Variants in IKBKB observed in about 807,000 individuals in gnomAD.
IKBKB encodes the protein inhibitor of nuclear factor kappa-B kinase subunit beta.
Under a neutral mutation model 113.6 loss-of-function variants are expected in IKBKB, and 42 were observed. The observed-to-expected ratio is 0.37, with a 90% confidence interval of 0.29 to 0.48. IKBKB has a LOEUF of 0.48. IKBKB is among the 20% of genes least tolerant of loss of function. IKBKB has a pLI of 0.99. For synonymous variants in IKBKB, 296 were observed against 361.3 expected, an observed-to-expected ratio of 0.82 and a Z score of 2.05; for missense variants, 673 against 939.7, an observed-to-expected ratio of 0.72 and a Z score of 3.71.
chr8:42,305,630 G>A (rs917751815), intron 6 of IKBKB, among the ~76,000 whole-genome samples: 7 of 152,224 alleles, frequency 4.6e-5, no homozygotes, highest in African/African-American at 1.4e-4. Flanking sequence ...ATGGAAACCA[G>A]TGGTCAGTTG....
At chr8:42,305,047 C>G (rs1816224713) in intron 5 of IKBKB, 140 bp from the exon 6 acceptor site, 1 of 636,606 alleles carries the variant, frequency 1.6e-6, no homozygotes, top group African/African-American at 1.8e-5. Flanking sequence ...AGCAGGGCCC[C>G]TGCCCTCCAC....
intron 5 of IKBKB, among the ~76,000 whole-genome samples, chr8:42,301,672 G>C (rs1367040299): frequency 6.6e-6 from 1 of 152,206 alleles, no homozygotes; most frequent in African/African-American, 2.4e-5. Flanking sequence ...AGTTTGTTTT[G>C]TACAGTTGTT....
rs1248668668 is a variant in IKBKB, at chr8:42,319,321, G to C, written c.1416G>C (p.Met472Ile). Residue 472 changes from methionine (M) to isoleucine (I), a missense_variant, in exon 14 of 22, where the codon ATG becomes ATC. Physicochemically the swap from Met to Ile is conservative, Grantham distance 10 (BLOSUM62 1). Transcript: ENST00000520810. ...NSCLSKMKNSMASMSQQLKAK... is the reference protein window; with the variant it reads ...NSCLSKMKNSIASMSQQLKAK... ...GCCTCTCCAAAATGAAGAATTCCAT[G>C]GCTTCCATGTCTCAGCAGCTCAAGG... 9 of 1,613,940 alleles carry C rather than the reference G, an allele frequency of 5.6e-6. No homozygotes were observed. Among genetic ancestry groups the C allele is most frequent in the African/African-American group, 1.3e-5 (1 of 74,888 alleles).
chr8:42,316,358 T>G lies in IKBKB; in HGVS notation c.930+19T>G, dbSNP rs758180114. The G allele has an allele frequency of 1.1e-5, 17 of 1,614,006 alleles. No homozygotes were observed. Among genetic ancestry groups the G allele is most frequent in the Non-Finnish European group, 1.4e-5 (17 of 1,179,914 alleles). ...CTTAAAGGTGAGTGTGGAGCCAAGT[T>G]AGCCCTGAGGCAAAAGCTGGGGTCC... On this transcript the variant is annotated intron_variant, in intron 10 of 21. Transcript: ENST00000520810. This position sits in a 1 kb window ranked among gnomAD's most constrained non-coding sequence, Gnocchi z 4.5.
intron 7 of IKBKB, among the ~76,000 whole-genome samples, chr8:42,307,484 G>A (rs1387100203): frequency 6.6e-6 from 1 of 152,228 alleles, no homozygotes; most frequent in Admixed American, 6.5e-5. Context: ...GGAGGGAAGA[G>A]TGGGTGAGGT....
intron 5 of IKBKB, chr8:42,298,156 A>C: frequency 2.0e-6 from 2 of 985,428 alleles, no homozygotes; most frequent in Non-Finnish European, 2.4e-6. Flanking sequence ...TCTTTTGTCA[A>C]GGGAGGCTCA....
At chr8:42,329,933 A>G in intron 21 of IKBKB, 1 of 985,458 alleles carries the variant, frequency 1.0e-6, no homozygotes. Flanking sequence ...GAAGAATTAC[A>G]AGGGATACCA....
chr8:42,283,548 G>A (rs1304739698), intron 2 of IKBKB, among the ~76,000 whole-genome samples: 2 of 152,116 alleles, frequency 1.3e-5, no homozygotes, highest in South Asian at 2.1e-4. Flanking sequence ...GCTGACACAC[G>A]GATGGGCTAA....
intron 8 of IKBKB, among the ~76,000 whole-genome samples, chr8:42,310,766 G>A (rs997941327): frequency 2.6e-5 from 4 of 152,098 alleles, no homozygotes; most frequent in Admixed American, 2.0e-4. Flanking sequence ...GCTCTTCAGC[G>A]TTATATTTTT....
intron 2 of IKBKB, among the ~76,000 whole-genome samples, chr8:42,281,597 G>A (rs115829437): frequency 2.6e-4 from 40 of 152,226 alleles, no homozygotes; most frequent in African/African-American, 9.2e-4. Flanking sequence ...TAGACCAGGC[G>A]ATGCTGGGGC....
intron 3 of IKBKB, among the ~76,000 whole-genome samples, chr8:42,289,784 CA>C (rs1812206734): frequency 6.6e-6 from 1 of 152,146 alleles, no homozygotes; most frequent in South Asian, 2.1e-4. Context: ...AATATGAAAA[CA>C]AAAAGAGCAG....
chr8:42,326,338 T>C (rs1412595478), intron 20 of IKBKB: 3 of 509,702 alleles, frequency 5.9e-6, no homozygotes, highest in African/African-American at 5.8e-5. Context: ...AATGAGAACA[T>C]TGGAAATGCT....
chr8:42,301,276 A>C (rs186616602), intron 5 of IKBKB, among the ~76,000 whole-genome samples: 22 of 152,328 alleles, frequency 1.4e-4, no homozygotes, highest in Non-Finnish European at 5.9e-5. Flanking sequence ...TGTGGCTTTT[A>C]ATTTTTATAA....
chr8:42,295,054 C>T (rs1813447762), intron 5 of IKBKB, among the ~76,000 whole-genome samples: 1 of 149,512 alleles, frequency 6.7e-6, no homozygotes, highest in Non-Finnish European at 1.5e-5. Flanking sequence ...GTTTTTCTCT[C>T]AGATATTTTT....
At chr8:42,323,126 A>G (rs950390372) in intron 19 of IKBKB, among the ~76,000 whole-genome samples, 7 of 152,188 alleles carry the variant, frequency 4.6e-5, no homozygotes, top group Non-Finnish European at 8.8e-5. Context: ...TGACTCTTAC[A>G]AGAACACTTG....
At chr8:42,288,954 G>T (rs188794024) in intron 3 of IKBKB, among the ~76,000 whole-genome samples, 4 of 152,128 alleles carry the variant, frequency 2.6e-5, no homozygotes, top group Non-Finnish European at 5.9e-5. Context: ...ATGGGTGGGC[G>T]CCTGTAGTCC....
At chr8:42,300,582 A>T (rs1446406660) in intron 5 of IKBKB, among the ~76,000 whole-genome samples, 1 of 152,188 alleles carries the variant, frequency 6.6e-6, no homozygotes, top group African/African-American at 2.4e-5. Flanking sequence ...AAAAAAATAC[A>T]TAGGGCTGTG....
At position 42,331,281 on chromosome 8, in the gene IKBKB, C is replaced by CA. The variant is rs1412965234; in HGVS notation, c.*303dup. 1 of 702,170 alleles carries CA rather than the reference C, an allele frequency of 1.4e-6. No individual in the cohort carries two copies. Among genetic ancestry groups the CA allele is most frequent in the African/African-American group, 1.7e-5 (1 of 57,374 alleles). The allele number at this position is 702,170 out of a possible 1,614,324, so 43.5% of individuals were successfully genotyped here. A position where few individuals can be genotyped will look rare whatever the true frequency, so the allele number is the denominator to read the frequency against. On this transcript the variant is annotated 3_prime_UTR_variant, in exon 22 of 22. Transcript: ENST00000520810. ...TCCTCCATTACAGAGGCCCAGCGCA[C>CA]ATCGCTGGCCCCACAAACGTTCAGG...
chr8:42,329,071 A>G, intron 20 of IKBKB, 53 bp from the exon 21 acceptor site: 4 of 1,359,538 alleles, frequency 2.9e-6, no homozygotes, highest in Non-Finnish European at 3.1e-6. Context: ...TAGCAGTGTT[A>G]GCTCTGATAA....
Sources: gnomAD v4.1 joint callset for allele counts (sites outside exome capture counted in the v4.1 genomes callset) on GRCh38, gnomAD v4.1.1 for gene constraint, Gnocchi (gnomAD v3.1) non-coding constraint, MANE v1.5 for transcripts, NCBI Gene and HGNC (gene_info 2026-07-23, HGNC 2026-07-21) for gene names.